SGIP1: variants seen among roughly 807,000 people sequenced by gnomAD.
SGIP1 encodes the protein SH3-containing GRB2-like protein 3-interacting protein 1.
A neutral mutation model predicts 107.5 loss-of-function variants in SGIP1; 38 were observed. The ratio of observed to expected loss-of-function variants is 0.35; its 90% confidence interval spans 0.27 to 0.46. The LOEUF (loss-of-function observed/expected upper bound fraction) is 0.46, where lower values mean the gene tolerates loss of function less well. Ranked by LOEUF, SGIP1 falls within the 20% of genes least tolerant of loss-of-function variation. The probability of loss-of-function intolerance (pLI) is 1.00; values close to 1 mark genes in which losing one functional copy is unlikely to be tolerated. For missense variants in SGIP1, 929 were observed against 1,019.5 expected, an observed-to-expected ratio of 0.91 and a Z score of 1.21; for synonymous variants, 365 against 366.1, an observed-to-expected ratio of 1.00 and a Z score of 0.03.
At chr1:66,705,323 C>T (rs60576866) in intron 18 of SGIP1, among the ~76,000 whole-genome samples, 3,141 of 152,242 alleles carry the variant, frequency 0.021, 103 homozygotes, top group African/African-American at 0.071. Context: ...GTCTTCTATT[C>T]AGAGTAATAA....
intron 1 of SGIP1, among the ~76,000 whole-genome samples, chr1:66,609,587 G>A (rs749071502): frequency 3.3e-5 from 5 of 152,204 alleles, no homozygotes; most frequent in Non-Finnish European, 5.9e-5. Context: ...CTTCATAACA[G>A]ATTGAATTCT....
chr1:66,716,865 T>A (rs1433628828), intron 18 of SGIP1, among the ~76,000 whole-genome samples: 1 of 152,114 alleles, frequency 6.6e-6, no homozygotes, highest in Non-Finnish European at 1.5e-5. Flanking sequence ...TCCCCAAGCC[T>A]CATTTGCTTC....
chr1:66,719,229 T>G, intron 18 of SGIP1, 65 bp from the exon 19 acceptor site: 1 of 1,093,258 alleles, frequency 9.1e-7, no homozygotes. Context: ...AATGGGCTTT[T>G]AATTTCACAT....
chr1:66,565,363 A>G (rs1423264321), intron 1 of SGIP1, among the ~76,000 whole-genome samples: 1 of 151,984 alleles, frequency 6.6e-6, no homozygotes, highest in Non-Finnish European at 1.5e-5. Flanking sequence ...ACATCTTACC[A>G]TGTTACTCTT....
chr1:66,671,954 G>A lies in SGIP1; in HGVS notation c.519G>A (p.Val173=). Residue 173 remains valine (V), a synonymous_variant, in exon 11 of 25, where the codon GTG becomes GTA. Coordinates refer to ENST00000371037, the MANE Select transcript of SGIP1 (RefSeq NM_032291.4). ...TGTCCTGTGCATCAGGTGAAGAAGT[G>A]GCAAGACCCAGGCGTTCCACACCAA... ...AIKRNLSSEE[V]ARPRRSTPTP... is the part of the protein sequence containing the mutation. The A allele has an allele frequency of 6.2e-7, 1 of 1,614,012 alleles. No individual in the cohort carries two copies. Among genetic ancestry groups the A allele is most frequent in the Non-Finnish European group, 8.5e-7 (1 of 1,179,938 alleles).
intron 18 of SGIP1, 124 bp downstream of exon 18, chr1:66,695,617 A>G (rs2090757295): frequency 1.2e-6 from 1 of 841,692 alleles, no homozygotes; most frequent in Non-Finnish European, 1.8e-6. Flanking sequence ...TGAAAATGCT[A>G]TGGCTACTTA....
intron 5 of SGIP1, 145 bp downstream of exon 5, chr1:66,639,978 A>G: frequency 3.2e-6 from 2 of 619,574 alleles, no homozygotes; most frequent in African/African-American, 1.9e-5. Flanking sequence ...TGGGGCTAAG[A>G]ACAATAGAGT....
At chr1:66,622,054 C>T (rs941766277) in intron 1 of SGIP1, among the ~76,000 whole-genome samples, 2 of 152,092 alleles carry the variant, frequency 1.3e-5, no homozygotes, top group Non-Finnish European at 2.9e-5. Context: ...CTGGGCCTCA[C>T]CTATAAATTC....
intron 1 of SGIP1, among the ~76,000 whole-genome samples, chr1:66,592,312 A>G (rs1234518429): frequency 6.6e-6 from 1 of 152,146 alleles, no homozygotes; most frequent in East Asian, 1.9e-4. Flanking sequence ...AATGACTTTT[A>G]CCGAGCACAC....
intron 20 of SGIP1, among the ~76,000 whole-genome samples, chr1:66,729,974 G>T (rs1407291637): frequency 6.6e-6 from 1 of 151,982 alleles, no homozygotes; most frequent in Admixed American, 6.5e-5. Context: ...GCTAATTTTT[G>T]TATTTTTAGT....
chr1:66,606,895 G>T (rs1570500154), intron 1 of SGIP1, among the ~76,000 whole-genome samples: 1 of 152,314 alleles, frequency 6.6e-6, no homozygotes, highest in South Asian at 2.1e-4. Context: ...TATTTTATGA[G>T]AGGATTTATA....
intron 1 of SGIP1, among the ~76,000 whole-genome samples, chr1:66,559,066 C>A (rs181843036): frequency 2.0e-5 from 3 of 152,186 alleles, no homozygotes; most frequent in African/African-American, 7.2e-5. Context: ...TCCTTAGGAA[C>A]CCCGTACTGC....
chr1:66,556,119 C>T (rs1023663664), intron 1 of SGIP1, among the ~76,000 whole-genome samples: 2 of 152,158 alleles, frequency 1.3e-5, no homozygotes, highest in African/African-American at 4.8e-5. Flanking sequence ...AAGTCAGCCT[C>T]TCTGGTCAAT....
intron 7 of SGIP1, among the ~76,000 whole-genome samples, chr1:66,649,774 A>G (rs1195826100): frequency 6.6e-6 from 1 of 152,190 alleles, no homozygotes; most frequent in Non-Finnish European, 1.5e-5. Context: ...GTCAGAATTC[A>G]ACATACAATT....
intron 8 of SGIP1, among the ~76,000 whole-genome samples, chr1:66,662,245 AT>A (rs1427156739): frequency 6.6e-6 from 1 of 152,174 alleles, no homozygotes; most frequent in African/African-American, 2.4e-5. Context: ...TAATCACTCA[AT>A]TTGCTAAAAC....
chr1:66,740,405 T>TA (rs140614753), intron 22 of SGIP1, among the ~76,000 whole-genome samples: 3,014 of 152,146 alleles, frequency 0.02, 98 homozygotes, highest in African/African-American at 0.064. Flanking sequence ...AGATTTATTT[T>TA]AAAAAAAATT....
At chr1:66,612,605 G>A (rs2068268230) in intron 1 of SGIP1, among the ~76,000 whole-genome samples, 1 of 152,166 alleles carries the variant, frequency 6.6e-6, no homozygotes, top group South Asian at 2.1e-4. Context: ...TGCTTGGGTA[G>A]CACTTGATGT....
intron 1 of SGIP1, among the ~76,000 whole-genome samples, chr1:66,575,539 A>C (rs2060943787): frequency 6.6e-6 from 1 of 152,110 alleles, no homozygotes; most frequent in South Asian, 2.1e-4. Context: ...TAACCTATCA[A>C]ACCTATGTGT....
Position 66,701,750 on chromosome 1 carries a change from T to C in SGIP1, c.1630+6257T>C, listed in dbSNP as rs139903556. Among the ~76,000 whole-genome samples the C allele has an allele frequency of 1.9e-3, 284 of 152,326 alleles. 3 individuals are homozygous for C. Among genetic ancestry groups the C allele is most frequent in the Admixed American group, 9.5e-3 (145 of 15,302 alleles). ...CTTGGTTTCCTGCTCTTTGAGACAG[T>C]TGTCCTGTCTCATTCATGATTAGTG... is the stretch of plus-strand genomic sequence containing the variant. On this transcript the variant is annotated intron_variant, in intron 18 of 24. Transcript: ENST00000371037.
Sources: gnomAD v4.1 joint callset for allele counts (sites outside exome capture counted in the v4.1 genomes callset) on GRCh38, gnomAD v4.1.1 for gene constraint, MANE v1.5 for transcripts, NCBI Gene and HGNC (gene_info 2026-07-23, HGNC 2026-07-21) for gene names.